Variants in POLDIP3 observed in about 807,000 individuals in gnomAD.
The protein encoded by POLDIP3 is polymerase delta-interacting protein 3.
POLDIP3 carries 14 observed loss-of-function variants against 45.1 expected under a neutral mutation model. The observed-to-expected ratio is 0.31, with a 90% CI of 0.20 to 0.49. POLDIP3 has a LOEUF of 0.49. Among genes scored for constraint, POLDIP3 ranks in the 20% least tolerant of loss-of-function variants. POLDIP3 has a pLI of 0.99. For missense variants in POLDIP3, 511 were observed against 538.8 expected (o/e 0.95, Z 0.51); for synonymous variants, 223 against 205.2 (o/e 1.09, Z -0.74).
chr22:42,597,029 G>A (rs999024189), intron 4 of POLDIP3, among the ~76,000 whole-genome samples: 5 of 152,118 alleles, frequency 3.3e-5, no homozygotes, highest in African/African-American at 1.2e-4. Context: ...CTCTTAAGAA[G>A]GCCCAGAATT....
In POLDIP3 at chr22:42,587,491, G is replaced by A. The variant is rs972629019; in HGVS notation, c.1088+15C>T. The stretch of plus-strand genomic sequence containing the variant: ...CGGAGCTGCCTCTCCCCAGCACCCC[G>A]CCTTTGGAACTCACAGCAGGATGGG... On this transcript the variant is annotated intron_variant, in intron 8 of 8. Coordinates refer to ENST00000252115, the MANE Select transcript of POLDIP3 (RefSeq NM_032311.5). The A allele has an allele frequency of 8.1e-6, 13 of 1,610,080 alleles. No individual in the cohort carries two copies. The highest frequency in any genetic ancestry group is 4.5e-5 in the East Asian group (2 of 44,896).
intron 7 of POLDIP3, among the ~76,000 whole-genome samples, chr22:42,587,868 A>G (rs1258273181): frequency 2.0e-5 from 3 of 152,266 alleles, no homozygotes; most frequent in African/African-American, 7.2e-5. Context: ...GAAGCCATCC[A>G]AGTAGTAAGG....
chr22:42,599,711 A>G lies in POLDIP3; in HGVS notation c.620T>C (p.Phe207Ser). The G allele has an allele frequency of 6.2e-7, 1 of 1,608,320 alleles. No individual in the cohort carries two copies. Residue 207 changes from phenylalanine (F) to serine (S), a missense_variant, in exon 4 of 9, where the codon TTT becomes TCT. By Grantham distance (155) the Phe-to-Ser change is radical. This residue lies in a region of POLDIP3 where 378 missense variants were observed against 352.3 expected (regional missense o/e 1.07). Transcript: ENST00000252115. ...KQMKFAASGG[F>S]LHHMAGLSSS... ...GAAATGCCATACCATGTGGTGGAGA[A>G]AGCCGCCTGAGGCTGCAAACTTCAT... is the stretch of plus-strand genomic sequence containing the variant.
At chr22:42,593,161 T>C (rs1925773831) in intron 6 of POLDIP3, among the ~76,000 whole-genome samples, 1 of 152,210 alleles carries the variant, frequency 6.6e-6, no homozygotes, top group Non-Finnish European at 1.5e-5. Flanking sequence ...AAATGCTATA[T>C]AAATAGTTAT....
chr22:42,608,225 C>T (rs532308111), intron 1 of POLDIP3, among the ~76,000 whole-genome samples: 152 of 151,678 alleles, frequency 1.0e-3, no homozygotes, highest in African/African-American at 3.6e-3. Flanking sequence ...AATTCTTCTG[C>T]CTTGGGATGC....
chr22:42,602,781 T>C lies in POLDIP3; in HGVS notation c.439A>G (p.Lys147Glu). 1 of 1,602,998 alleles carries C rather than the reference T, an allele frequency of 6.2e-7. No homozygotes were observed. The highest frequency in any genetic ancestry group is 8.5e-7 in the Non-Finnish European group (1 of 1,173,714). The change falls in exon 2 of 9, where the codon AAA becomes GAA. Residue 147 changes from lysine (K) to glutamate (E), a missense_variant. This residue lies in a region of POLDIP3 where 378 missense variants were observed against 352.3 expected (regional missense o/e 1.07). Coordinates refer to ENST00000252115, the MANE Select transcript of POLDIP3 (RefSeq NM_032311.5). Reference sequence around the variant, plus strand: ...AAGCCACAACTCACCTGGATGGTTTTGGTGAGCTTCAGAGCAGGGGTCACT... The same window carrying C: ...AAGCCACAACTCACCTGGATGGTTTCGGTGAGCTTCAGAGCAGGGGTCACT... ...GTVTPALKLTKTIQVPQQKAM... is the reference protein window; with the variant it reads ...GTVTPALKLTETIQVPQQKAM...
chr22:42,595,744 C>T (rs2146811599), intron 5 of POLDIP3, 130 bp from the exon 6 acceptor site: 4 of 773,106 alleles, frequency 5.2e-6, no homozygotes, highest in Middle Eastern at 3.6e-4. Flanking sequence ...CAAATGGGCC[C>T]CCTGAACTTC....
At chr22:42,587,876 A>G (rs979466530) in intron 7 of POLDIP3, among the ~76,000 whole-genome samples, 1 of 152,228 alleles carries the variant, frequency 6.6e-6, no homozygotes, top group African/African-American at 2.4e-5. Context: ...CCAAGTAGTA[A>G]GGGAAAAGGT....
In POLDIP3 at chr22:42,596,042, G is replaced by C. The variant is rs1204819344; in HGVS notation, c.813+144C>G. 1.1e-5 allele frequency: 9 copies of C among 847,426 alleles called. No homozygotes were observed. The East Asian group carries it at 2.3e-4, about 22-fold the overall frequency. The allele number at this position is 847,426 out of a possible 1,614,324, so 52.5% of individuals were successfully genotyped here. ...TAGCCTGCAAGGTCTTTGAGGGTAA[G>C]AGTCCCTAGGTCTTGGTTTGCTCAT... On this transcript the variant is annotated intron_variant, in intron 5 of 8. Coordinates refer to ENST00000252115, the MANE Select transcript of POLDIP3 (RefSeq NM_032311.5).
At chr22:42,613,646 T>C (rs1041438058) in intron 1 of POLDIP3, among the ~76,000 whole-genome samples, 1 of 151,936 alleles carries the variant, frequency 6.6e-6, no homozygotes, top group Admixed American at 6.6e-5. Flanking sequence ...CTGTAGTCCC[T>C]GCTACTTGGG....
chr22:42,612,909 T>C (rs1476134157), intron 1 of POLDIP3, among the ~76,000 whole-genome samples: 1 of 152,070 alleles, frequency 6.6e-6, no homozygotes, highest in African/African-American at 2.4e-5. Flanking sequence ...ACTGCCTAGT[T>C]CAGAACTCCC....
Position 42,585,320 on chromosome 22 carries a change from G to C in POLDIP3, c.*471C>G, listed in dbSNP as rs2146794941. 1 of 496,530 alleles carries C rather than the reference G, an allele frequency of 2.0e-6. No homozygotes were observed. The highest frequency in any genetic ancestry group is 1.9e-5 in the African/African-American group (1 of 51,482). 30.8% of individuals were successfully genotyped at this position (496,530 alleles called of 1,614,324 possible). A position where few individuals can be genotyped will look rare whatever the true frequency, so the allele number is the denominator to read the frequency against. ...GCGGCACAGCTCTCAGGCCGACCTG[G>C]CTCCCGTCAGGACACCAGGGCTCTC... is the stretch of plus-strand genomic sequence containing the variant. On this transcript the variant is annotated 3_prime_UTR_variant, in exon 9 of 9. Coordinates refer to ENST00000252115, the MANE Select transcript of POLDIP3 (RefSeq NM_032311.5).
chr22:42,612,617 G>A (rs1927194807), intron 1 of POLDIP3, among the ~76,000 whole-genome samples: 3 of 152,148 alleles, frequency 2.0e-5, no homozygotes, highest in Admixed American at 2.0e-4. Flanking sequence ...CCTGAGGTGA[G>A]GAGTTCGAGA....
In POLDIP3 at chr22:42,592,223, C is replaced by T. The variant is rs544411155; in HGVS notation, c.892-139G>A. ...CCTGAGACTGCGGGGAGGCTCCACG[C>T]GAGGTGGTGCTCTGGAGACATCCAC... On this transcript the variant is annotated intron_variant, in intron 6 of 8. Transcript: ENST00000252115. The T allele has an allele frequency of 2.8e-5, 35 of 1,270,992 alleles. No individual in the cohort carries two copies. The East Asian group carries it at 7.1e-4, about 26-fold the overall frequency. The allele number at this position is 1,270,992 out of a possible 1,614,324, so 78.7% of individuals were successfully genotyped here.
intron 3 of POLDIP3, among the ~76,000 whole-genome samples, chr22:42,601,664 G>C (rs964407021): frequency 6.6e-6 from 1 of 152,220 alleles, no homozygotes; most frequent in African/African-American, 2.4e-5. Flanking sequence ...AGGAGGCTGA[G>C]GCAGGAGAAT....
In POLDIP3 at chr22:42,592,189, C is replaced by T. The variant is rs1008087032; in HGVS notation, c.892-105G>A. Reference sequence around the variant, plus strand: ...GTGGTGGTTCCGCTGCAGCTAAATGCGCCCTGCGCCTGAGACTGCGGGGAG... The same window carrying T: ...GTGGTGGTTCCGCTGCAGCTAAATGTGCCCTGCGCCTGAGACTGCGGGGAG... On this transcript the variant is annotated intron_variant, in intron 6 of 8. Transcript: ENST00000252115. 81 of 1,521,166 alleles carry T rather than the reference C, an allele frequency of 5.3e-5. 1 individual carries two copies. The highest frequency in any genetic ancestry group is 6.0e-5 in the Non-Finnish European group (67 of 1,117,472). The allele number at this position is 1,521,166 out of a possible 1,614,324, so 94.2% of individuals were successfully genotyped here.
At chr22:42,596,423 C>G in intron 4 of POLDIP3, 58 bp from the exon 5 acceptor site, 1 of 1,521,156 alleles carries the variant, frequency 6.6e-7, no homozygotes, top group South Asian at 1.2e-5. Context: ...TCTGAAGAAG[C>G]CCCAAGAGGT....
chr22:42,605,184 GTGGC>G (rs1488602994), intron 1 of POLDIP3, among the ~76,000 whole-genome samples: 1 of 152,236 alleles, frequency 6.6e-6, no homozygotes, highest in Non-Finnish European at 1.5e-5. Flanking sequence ...CTGGAGTGCA[GTGGC>G]GCAATCTTGG....
At chr22:42,613,500 C>T (rs1010265871) in intron 1 of POLDIP3, among the ~76,000 whole-genome samples, 1 of 152,198 alleles carries the variant, frequency 6.6e-6, no homozygotes, top group African/African-American at 2.4e-5. Context: ...TGGCTCACGC[C>T]TGTAATCCCA....
Sources: gnomAD v4.1 joint callset for allele counts (sites outside exome capture counted in the v4.1 genomes callset) on GRCh38, gnomAD v4.1.1 for gene constraint, gnomAD v4.1.1 regional missense constraint, MANE v1.5 for transcripts, NCBI Gene and HGNC (gene_info 2026-07-23, HGNC 2026-07-21) for gene names.